Variants in PLEKHA7 observed in about 807,000 individuals in gnomAD.
PLEKHA7 encodes pleckstrin homology domain containing A7, also known as pleckstrin homology domain-containing family A member 7.
In PLEKHA7, 104 loss-of-function variants were observed where a neutral mutation model predicts 170.0. The ratio of observed to expected loss-of-function variants is 0.61; its 90% CI spans 0.52 to 0.72. PLEKHA7 has a LOEUF of 0.72. Ranked by LOEUF, PLEKHA7 falls within the 30% of genes least tolerant of loss-of-function variation. The pLI, the probability that PLEKHA7 is intolerant of heterozygous loss-of-function variation, is 0.00. For synonymous variants in PLEKHA7, 648 were observed against 660.8 expected, an observed-to-expected ratio of 0.98 and a Z score of 0.30; for missense variants, 1,615 against 1,671.7, an observed-to-expected ratio of 0.97 and a Z score of 0.59.
intron 12 of PLEKHA7, among the ~76,000 whole-genome samples, 196 bp downstream of exon 12, chr11:16,815,982 C>T (rs111517041): frequency 5.3e-5 from 8 of 152,128 alleles, no homozygotes; most frequent in South Asian, 2.1e-4. Context: ...TTCCCTGATA[C>T]GCTCTTCCCC....
chr11:16,785,839 T>G (rs540219889), intron 24 of PLEKHA7, among the ~76,000 whole-genome samples: 2 of 152,332 alleles, frequency 1.3e-5, no homozygotes, highest in Non-Finnish European at 1.5e-5. Flanking sequence ...CACCAGCCAG[T>G]TGAAAAGCCA....
At chr11:16,925,578 C>A (rs544540085) in intron 3 of PLEKHA7, among the ~76,000 whole-genome samples, 125 of 152,324 alleles carry the variant, frequency 8.2e-4, no homozygotes, top group African/African-American at 2.9e-3. Context: ...GCGGGGCACG[C>A]GTCCCAGGGA....
intron 3 of PLEKHA7, among the ~76,000 whole-genome samples, chr11:16,985,961 C>G (rs776259548): frequency 1.3e-5 from 2 of 152,228 alleles, no homozygotes; most frequent in African/African-American, 4.8e-5. Flanking sequence ...ATCACAAACC[C>G]TTGATGGCGG....
At chr11:16,812,782 C>A (rs764269529) in intron 13 of PLEKHA7, among the ~76,000 whole-genome samples, 2 of 152,188 alleles carry the variant, frequency 1.3e-5, no homozygotes, top group African/African-American at 2.4e-5. Context: ...ACCAAACATA[C>A]ACCCCTGCCC....
chr11:16,838,367 G>C (rs1851683165), intron 9 of PLEKHA7, among the ~76,000 whole-genome samples: 1 of 151,990 alleles, frequency 6.6e-6, no homozygotes, highest in Non-Finnish European at 1.5e-5. Flanking sequence ...AATTAGCCAG[G>C]CATGATGTGG....
intron 3 of PLEKHA7, among the ~76,000 whole-genome samples, chr11:16,890,649 T>C (rs77237363): frequency 0.016 from 2,368 of 152,334 alleles, 60 homozygotes; most frequent in African/African-American, 0.054. Context: ...TTACCTCATC[T>C]AGTCTCTTTG....
At chr11:16,959,828 G>T (rs1162143623) in intron 3 of PLEKHA7, among the ~76,000 whole-genome samples, 1 of 152,184 alleles carries the variant, frequency 6.6e-6, no homozygotes, top group Non-Finnish European at 1.5e-5. Flanking sequence ...TTCTGGAGGG[G>T]GTTGCGGGCT....
rs568896366 is a variant in PLEKHA7, at chr11:16,928,098, G to A, written c.222-56916C>T. 3.7e-4 allele frequency among the ~76,000 whole-genome samples: 56 copies of A among 152,212 alleles called. No individual in the cohort carries two copies. The South Asian group carries it at 0.011, about 31-fold the overall frequency. On this transcript the variant is annotated intron_variant, in intron 3 of 26. Transcript: ENST00000531066. ...GTAAAATGTGATGCCACTATGGCAT[G>A]TCATCCTCACAACAAGTAAATTTAT...
At chr11:16,833,047 A>G (rs572274311) in intron 9 of PLEKHA7, among the ~76,000 whole-genome samples, 1 of 152,344 alleles carries the variant, frequency 6.6e-6, no homozygotes, top group South Asian at 2.1e-4. Context: ...AGTTCCTAGC[A>G]TTTGAGGAAG....
At chr11:16,781,259 G>C (rs529753266) in intron 26 of PLEKHA7, 1 of 152,944 alleles carries the variant, frequency 6.5e-6, no homozygotes, top group East Asian at 1.9e-4. Context: ...TTCTGAGATG[G>C]AGAGAGGCAT....
At position 16,852,475 on chromosome 11, in the gene PLEKHA7, A is replaced by G; in HGVS notation, c.523-120T>C. The G allele has an allele frequency of 5.5e-6, 4 of 729,104 alleles. No homozygotes were observed. In the Admixed American group the frequency reaches 1.0e-4, roughly 18 times the overall value. 45.2% of individuals were successfully genotyped at this position (729,104 alleles called of 1,614,324 possible). A position where few individuals can be genotyped will look rare whatever the true frequency, so the allele number is the denominator to read the frequency against. ...CCATATTCACTCTTTGTTTTAATAAATTACCATTTTACTGAACAGCCATTC... is the reference window on the plus strand; with the variant it reads ...CCATATTCACTCTTTGTTTTAATAAGTTACCATTTTACTGAACAGCCATTC... On this transcript the variant is annotated intron_variant, in intron 6 of 26. Transcript: ENST00000531066.
chr11:16,918,269 C>A (rs141617843), intron 3 of PLEKHA7, among the ~76,000 whole-genome samples: 57 of 152,284 alleles, frequency 3.7e-4, no homozygotes, highest in South Asian at 1.4e-3. Flanking sequence ...CAAAATCAAG[C>A]CTTAAATTAG....
chr11:16,912,838 T>C (rs78626325), intron 3 of PLEKHA7, among the ~76,000 whole-genome samples: 2,856 of 152,286 alleles, frequency 0.019, 96 homozygotes, highest in African/African-American at 0.064. Context: ...TCCCAGACTC[T>C]TTCCTGTGTG....
At chr11:16,824,236 TA>T (rs1337438437) in intron 10 of PLEKHA7, among the ~76,000 whole-genome samples, 8 of 152,216 alleles carry the variant, frequency 5.3e-5, no homozygotes, top group Non-Finnish European at 7.3e-5. Flanking sequence ...ATTGTACATT[TA>T]AAAATAACTA....
At chr11:16,860,010 T>G (rs1047624687) in intron 4 of PLEKHA7, among the ~76,000 whole-genome samples, 1 of 152,246 alleles carries the variant, frequency 6.6e-6, no homozygotes, top group Non-Finnish European at 1.5e-5. Context: ...TTGGGCTACA[T>G]GAATGCTGAT....
intron 3 of PLEKHA7, among the ~76,000 whole-genome samples, chr11:16,940,281 GTTTTTT>G (rs71047516): frequency 9.1e-6 from 1 of 110,398 alleles, no homozygotes; most frequent in Non-Finnish European, 1.9e-5. Context: ...TTCTTCTGCT[GTTTTTT>G]TTTTTTTTTT....
At chr11:16,972,610 A>G (rs988401134) in intron 3 of PLEKHA7, among the ~76,000 whole-genome samples, 3 of 150,102 alleles carry the variant, frequency 2.0e-5, no homozygotes, top group Admixed American at 2.0e-4. Context: ...TAGTAGAGAT[A>G]AGGTCTTCCT....
rs541944780 is a variant in PLEKHA7 at position 16,786,888 on chromosome 11, G to A, written c.3358-501C>T. ...ATAACATTCGTAGGTGGGGGATCTC[G>A]CACTTACAGTAGGGCTGGGGAGGTA... On this transcript the variant is annotated intron_variant, in intron 23 of 26. Transcript: ENST00000531066. The A allele has an allele frequency of 5.0e-5, 49 of 985,242 alleles. 1 individual carries two copies. The East Asian group carries it at 1.5e-3, about 30-fold the overall frequency. The allele number at this position is 985,242 out of a possible 1,614,324, so 61.0% of individuals were successfully genotyped here.
intron 17 of PLEKHA7, 116 bp downstream of exon 17, chr11:16,800,857 AG>A: frequency 1.2e-6 from 1 of 835,064 alleles, no homozygotes; most frequent in East Asian, 2.4e-5. Context: ...TCTGGGGCTG[AG>A]GGGGAGAAGG....
Sources: gnomAD v4.1 joint callset for allele counts (sites outside exome capture counted in the v4.1 genomes callset) on GRCh38, gnomAD v4.1.1 for gene constraint, MANE v1.5 for transcripts, NCBI Gene and HGNC (gene_info 2026-07-23, HGNC 2026-07-21) for gene names.